CDK6: variants seen among roughly 807,000 people sequenced by gnomAD.
CDK6 encodes the protein cyclin dependent kinase 6.
In CDK6, 6 loss-of-function variants were observed where a neutral mutation model predicts 37.1. The ratio of observed to expected loss-of-function variants is 0.16; its 90% confidence interval spans 0.09 to 0.32. CDK6 has a LOEUF of 0.32. Ranked by LOEUF, CDK6 falls within the 10% of genes least tolerant of loss-of-function variation. The pLI, the probability that CDK6 is intolerant of heterozygous loss-of-function variation, is 1.00. For synonymous variants in CDK6, 160 were observed against 161.3 expected (o/e 0.99, Z 0.06); for missense variants, 224 against 418.9 (o/e 0.53, Z 4.06).
chr7:92,606,937 C>CA lies in CDK6; in HGVS notation c.*8202dup, dbSNP rs1374918201. 1 of 232,812 alleles carries CA rather than the reference C, an allele frequency of 4.3e-6. No homozygotes were observed. The highest frequency in any genetic ancestry group is 2.2e-5 in the African/African-American group (1 of 45,312). 14.4% of individuals were successfully genotyped at this position (232,812 alleles called of 1,614,324 possible). ...ACCTTCAGATAAAAACCTCAAATAC[C>CA]AAAAAATGCAACAAGCTTTTGAGGT... On this transcript the variant is annotated 3_prime_UTR_variant, in exon 8 of 8. Transcript: ENST00000424848.
chr7:92,678,548 AGCCAAG>A (rs1797260146), intron 4 of CDK6, among the ~76,000 whole-genome samples: 1 of 152,230 alleles, frequency 6.6e-6, no homozygotes, highest in African/African-American at 2.4e-5. Flanking sequence ...GAAAAAGTAC[AGCCAAG>A]GCCAACTCTG....
intron 4 of CDK6, among the ~76,000 whole-genome samples, chr7:92,685,683 C>T (rs1797435309): frequency 6.6e-6 from 1 of 152,102 alleles, no homozygotes. Context: ...TTATGCTCAC[C>T]AAACCAAAAC....
chr7:92,639,425 C>T (rs1796250624), intron 5 of CDK6, among the ~76,000 whole-genome samples: 1 of 152,150 alleles, frequency 6.6e-6, no homozygotes, highest in Non-Finnish European at 1.5e-5. Context: ...AAAATAGTCT[C>T]AATTAAACGC....
At chr7:92,773,237 T>C (rs922438630) in intron 3 of CDK6, among the ~76,000 whole-genome samples, 2 of 152,180 alleles carry the variant, frequency 1.3e-5, no homozygotes, top group Non-Finnish European at 1.5e-5. Context: ...GGTAGAGATA[T>C]GCAGAACAAG....
At chr7:92,822,177 C>T (rs1205916893) in intron 2 of CDK6, among the ~76,000 whole-genome samples, 1 of 151,988 alleles carries the variant, frequency 6.6e-6, no homozygotes, top group African/African-American at 2.4e-5. Context: ...ATTCAATCTG[C>T]AAAAACTGAT....
At chr7:92,636,352 C>T (rs991801607) in intron 5 of CDK6, among the ~76,000 whole-genome samples, 7 of 152,086 alleles carry the variant, frequency 4.6e-5, no homozygotes, top group African/African-American at 7.2e-5. Flanking sequence ...CACCACTGTG[C>T]CCAGCCAACA....
chr7:92,732,178 G>A (rs1798665581), intron 3 of CDK6, among the ~76,000 whole-genome samples: 1 of 152,214 alleles, frequency 6.6e-6, no homozygotes, highest in African/African-American at 2.4e-5. Context: ...AGCACTTTGG[G>A]TGGCTGAGGT....
chr7:92,635,368 C>T, intron 5 of CDK6, among the ~76,000 whole-genome samples: 1 of 152,162 alleles, frequency 6.6e-6, no homozygotes, highest in East Asian at 1.9e-4. Flanking sequence ...GAAGATCCAG[C>T]TCTTAGTGCT....
At chr7:92,712,372 G>A (rs572310877) in intron 4 of CDK6, among the ~76,000 whole-genome samples, 1 of 152,152 alleles carries the variant, frequency 6.6e-6, no homozygotes, top group African/African-American at 2.4e-5. Context: ...TAAAAATAAA[G>A]CAATTGATGA....
chr7:92,671,983 A>G (rs1797080646), intron 4 of CDK6, among the ~76,000 whole-genome samples: 1 of 151,392 alleles, frequency 6.6e-6, no homozygotes, highest in African/African-American at 2.4e-5. Flanking sequence ...AGACTCAGAA[A>G]GGGGGAGGGT....
chr7:92,690,828 A>T (rs1439298171), intron 4 of CDK6, among the ~76,000 whole-genome samples: 2 of 152,244 alleles, frequency 1.3e-5, no homozygotes, highest in Non-Finnish European at 2.9e-5. Flanking sequence ...CTGGTTTTGC[A>T]TTAAAAATGA....
chr7:92,657,562 T>TC (rs1168989495), intron 5 of CDK6, among the ~76,000 whole-genome samples: 1 of 151,802 alleles, frequency 6.6e-6, no homozygotes, highest in African/African-American at 2.4e-5. Flanking sequence ...TCTGAGATAA[T>TC]TTTTTTTTAA....
At chr7:92,683,903 A>G (rs779789054) in intron 4 of CDK6, among the ~76,000 whole-genome samples, 1 of 152,206 alleles carries the variant, frequency 6.6e-6, no homozygotes. Context: ...AGAAGGAAGT[A>G]TTTTCTGACA....
intron 2 of CDK6, among the ~76,000 whole-genome samples, chr7:92,818,723 A>G (rs1489933521): frequency 6.6e-6 from 1 of 152,078 alleles, no homozygotes; most frequent in Non-Finnish European, 1.5e-5. Flanking sequence ...AAGAACTCTT[A>G]CAATACAATA....
At chr7:92,820,422 G>T (rs893609994) in intron 2 of CDK6, among the ~76,000 whole-genome samples, 2 of 152,060 alleles carry the variant, frequency 1.3e-5, no homozygotes, top group African/African-American at 4.8e-5. Flanking sequence ...AACTTGCAAG[G>T]GTCAACCTTT....
intron 5 of CDK6, among the ~76,000 whole-genome samples, chr7:92,650,211 C>G (rs1661549979): frequency 6.6e-6 from 1 of 152,194 alleles, no homozygotes; most frequent in Non-Finnish European, 1.5e-5. Flanking sequence ...AAATGATACA[C>G]AGATACATAC....
chr7:92,801,210 T>C (rs1001481502), intron 2 of CDK6, among the ~76,000 whole-genome samples: 5 of 152,098 alleles, frequency 3.3e-5, no homozygotes, highest in South Asian at 2.1e-4. Flanking sequence ...TTTGAATCAA[T>C]TGTAAATTTT....
intron 5 of CDK6, among the ~76,000 whole-genome samples, chr7:92,655,261 G>A (rs1314889007): frequency 1.3e-5 from 2 of 152,032 alleles, no homozygotes; most frequent in South Asian, 2.1e-4. Context: ...GGGGCCAGTA[G>A]GTATCACTTT....
intron 5 of CDK6, among the ~76,000 whole-genome samples, chr7:92,653,270 C>G (rs757749251): frequency 1.5e-4 from 23 of 152,120 alleles, no homozygotes; most frequent in Non-Finnish European, 2.8e-4. Context: ...AAGCAAATTC[C>G]TTTGTTCCGG....
Sources: allele counts gnomAD v4.1 joint callset (sites outside exome capture counted in the v4.1 genomes callset), GRCh38; gene constraint gnomAD v4.1.1; transcripts MANE v1.5; gene names NCBI Gene and HGNC (gene_info 2026-07-23, HGNC 2026-07-21).